Variants in CSMD1 observed in about 807,000 individuals in gnomAD.
CSMD1 encodes the protein CUB and sushi domain-containing protein 1.
In CSMD1, 213 loss-of-function variants were observed where a neutral mutation model predicts 417.5. The ratio of observed to expected loss-of-function variants is 0.51; its 90% CI spans 0.46 to 0.57. The LOEUF is 0.57. Among genes scored for constraint, CSMD1 ranks in the 20% least tolerant of loss-of-function variants. The probability of loss-of-function intolerance (pLI) is 0.00; values close to 1 mark genes in which losing one functional copy is unlikely to be tolerated. For synonymous variants in CSMD1, 2,862 were observed against 1,736.8 expected, an observed-to-expected ratio of 1.65 and a Z score of -16.11; for missense variants, 6,923 against 4,529.7, an observed-to-expected ratio of 1.53 and a Z score of -15.17.
At chr8:4,520,864 T>C (rs1310416831) in intron 2 of CSMD1, among the ~76,000 whole-genome samples, 2 of 152,210 alleles carry the variant, frequency 1.3e-5, no homozygotes, top group Non-Finnish European at 2.9e-5. Flanking sequence ...TTTAATAGAC[T>C]CTATTATAAC....
chr8:4,977,242 AGAG>A (rs1201305816), intron 1 of CSMD1, among the ~76,000 whole-genome samples: 1 of 152,224 alleles, frequency 6.6e-6, no homozygotes, highest in Non-Finnish European at 1.5e-5. Context: ...AAGCCAAGTG[AGAG>A]CAAAACTCTT....
At chr8:3,059,963 A>G (rs1009647524) in intron 49 of CSMD1, among the ~76,000 whole-genome samples, 4 of 152,096 alleles carry the variant, frequency 2.6e-5, no homozygotes, top group African/African-American at 7.2e-5. Context: ...GGGTACTGCA[A>G]TTAGGCAGTG....
At chr8:3,803,161 T>A (rs1052906037) in intron 5 of CSMD1, among the ~76,000 whole-genome samples, 1 of 152,184 alleles carries the variant, frequency 6.6e-6, no homozygotes, top group African/African-American at 2.4e-5. Flanking sequence ...GTTCTAATCA[T>A]GCTGAAAGCA....
chr8:4,416,934 A>T (rs1796974234), intron 3 of CSMD1, among the ~76,000 whole-genome samples: 1 of 152,064 alleles, frequency 6.6e-6, no homozygotes, highest in Admixed American at 6.6e-5. Context: ...CTTATTATAA[A>T]CTATGTGTAA....
intron 7 of CSMD1, among the ~76,000 whole-genome samples, chr8:3,704,052 C>G (rs764327135): frequency 2.0e-4 from 30 of 152,136 alleles, no homozygotes; most frequent in Admixed American, 6.5e-5. Context: ...ACCTGGGTGT[C>G]AGAGTGAAAC....
At chr8:3,860,965 T>G (rs1208271140) in intron 5 of CSMD1, among the ~76,000 whole-genome samples, 1 of 152,166 alleles carries the variant, frequency 6.6e-6, no homozygotes, top group Non-Finnish European at 1.5e-5. Context: ...TCATGCAAAA[T>G]GAAATGACAA....
intron 5 of CSMD1, among the ~76,000 whole-genome samples, chr8:3,986,924 T>C (rs1165236635): frequency 6.6e-6 from 1 of 152,016 alleles, no homozygotes; most frequent in Non-Finnish European, 1.5e-5. Context: ...CCAGCTAATT[T>C]TTGTATTTTT....
At chr8:3,670,322 C>G (rs1482371892) in intron 7 of CSMD1, among the ~76,000 whole-genome samples, 1 of 151,894 alleles carries the variant, frequency 6.6e-6, no homozygotes, top group Non-Finnish European at 1.5e-5. Context: ...CCTCCAGCAT[C>G]AGACTCCAAG....
At chr8:4,163,195 C>T (rs1046714548) in intron 3 of CSMD1, among the ~76,000 whole-genome samples, 3 of 152,186 alleles carry the variant, frequency 2.0e-5, no homozygotes, top group Non-Finnish European at 4.4e-5. Flanking sequence ...CTAAAAACAT[C>T]CCTTGGCAGG....
chr8:3,764,402 A>G (rs1025565447), intron 5 of CSMD1, among the ~76,000 whole-genome samples: 15 of 152,098 alleles, frequency 9.9e-5, no homozygotes, highest in African/African-American at 3.4e-4. Context: ...ACATAATCAA[A>G]CATATATAAA....
intron 47 of CSMD1, among the ~76,000 whole-genome samples, chr8:3,096,149 T>A (rs1236956780): frequency 6.6e-6 from 1 of 152,202 alleles, no homozygotes; most frequent in African/African-American, 2.4e-5. Flanking sequence ...TCTAAATCAC[T>A]GTGTTAAAAA....
chr8:2,974,647 T>C lies in CSMD1; in HGVS notation c.8567-23A>G, dbSNP rs79698542. The C allele has an allele frequency of 8.6e-3, 13,307 of 1,539,974 alleles. 956 individuals carry two copies. In the African/African-American group the frequency reaches 0.16, roughly 18 times the overall value. ...TAGCTTCAGAAAAAAGATAAAACAA[T>C]TGAGTACATCCTTCCAGTTAAACCA... On this transcript the variant is annotated intron_variant, in intron 55 of 69. Transcript: ENST00000635120.
chr8:4,657,933 A>G (rs1200221594), intron 1 of CSMD1, among the ~76,000 whole-genome samples: 1 of 152,134 alleles, frequency 6.6e-6, no homozygotes, highest in Non-Finnish European at 1.5e-5. Flanking sequence ...AAAAAGTACA[A>G]TAACTGATGC....
At chr8:3,221,814 C>T (rs1798233148) in intron 28 of CSMD1, among the ~76,000 whole-genome samples, 1 of 152,134 alleles carries the variant, frequency 6.6e-6, no homozygotes, top group South Asian at 2.1e-4. Flanking sequence ...CTCTCATCCA[C>T]AGCCCTGAAC....
chr8:3,396,142 G>C (rs1010827641), intron 17 of CSMD1, 52 bp downstream of exon 17: 53 of 1,466,234 alleles, frequency 3.6e-5, no homozygotes, highest in Non-Finnish European at 4.7e-5. Flanking sequence ...CAGATCTTTA[G>C]TTCTCCCATG....
intron 2 of CSMD1, among the ~76,000 whole-genome samples, chr8:4,424,306 G>A (rs962621768): frequency 4.6e-5 from 7 of 151,876 alleles, no homozygotes; most frequent in Admixed American, 2.0e-4. Flanking sequence ...CAAAAGACAA[G>A]TATCTAGAAT....
At chr8:4,990,168 T>A (rs1258570609) in intron 1 of CSMD1, among the ~76,000 whole-genome samples, 1 of 152,186 alleles carries the variant, frequency 6.6e-6, no homozygotes, top group South Asian at 2.1e-4. Context: ...CCATTCAAGT[T>A]TACAAAACCT....
chr8:4,268,960 C>T (rs1236347413), intron 3 of CSMD1, among the ~76,000 whole-genome samples: 1 of 152,158 alleles, frequency 6.6e-6, no homozygotes, highest in Non-Finnish European at 1.5e-5. Context: ...CTGCTGTATC[C>T]TTTTATTTTT....
intron 41 of CSMD1, among the ~76,000 whole-genome samples, chr8:3,138,832 T>G (rs139514568): frequency 1.3e-5 from 2 of 152,168 alleles, no homozygotes; most frequent in African/African-American, 2.4e-5. Flanking sequence ...CTTATAGATG[T>G]TGAACGATTT....
Sources: allele counts gnomAD v4.1 joint callset (sites outside exome capture counted in the v4.1 genomes callset), GRCh38; gene constraint gnomAD v4.1.1; transcripts MANE v1.5; gene names NCBI Gene and HGNC (gene_info 2026-07-23, HGNC 2026-07-21).